Variants in ZNF562 observed in about 807,000 individuals in gnomAD.
The protein encoded by ZNF562 is zinc finger protein 562.
ZNF562 carries 13 observed loss-of-function variants against 17.5 expected under a neutral mutation model. The observed-to-expected ratio is 0.74, with a 90% CI of 0.48 to 1.18. ZNF562 has a LOEUF of 1.18. ZNF562 is among the 50% of genes most tolerant of loss of function. ZNF562 has a pLI of 0.00. For missense variants in ZNF562, 481 were observed against 498.5 expected, an observed-to-expected ratio of 0.96 and a Z score of 0.33; for synonymous variants, 163 against 165.4, an observed-to-expected ratio of 0.99 and a Z score of 0.11.
In ZNF562 at chr19:9,642,445, A is replaced by T. The variant is rs2074778521; in HGVS notation, c.*10504T>A. ...GCACCACCACATCCAGCTAATTTTT[A>T]AAAATATATTTTGTAGAGAAGAGAT... On this transcript the variant is annotated 3_prime_UTR_variant, in exon 6 of 6. Transcript: ENST00000453372. 1 of 151,948 alleles carries T rather than the reference A, an allele frequency of 6.6e-6. No individual in the cohort carries two copies. Among genetic ancestry groups the T allele is most frequent in the African/African-American group, 2.4e-5 (1 of 41,358 alleles). 9.4% of individuals were successfully genotyped at this position (151,948 alleles called of 1,614,324 possible).
chr19:9,669,734 G>GCACACACACA lies in ZNF562; in HGVS notation c.-131+5271_-131+5280dup, dbSNP rs71188835. ...CGCGCGCGAGCGCGCGCGCGCGCGC[G>GCACACACACA]CACACACACACACACACACACACAC... On this transcript the variant is annotated intron_variant, in intron 1 of 5. Transcript: ENST00000453372. Among the ~76,000 whole-genome samples, 681 of 109,274 alleles carry GCACACACACA rather than the reference G, an allele frequency of 6.2e-3. 6 individuals are homozygous for GCACACACACA. The highest frequency in any genetic ancestry group is 0.012 in the South Asian group (34 of 2,846). 71.7% of individuals were successfully genotyped at this position (109,274 alleles called of 152,430 possible).
At chr19:9,662,730 A>G (rs1419296844) in intron 1 of ZNF562, among the ~76,000 whole-genome samples, 1 of 151,780 alleles carries the variant, frequency 6.6e-6, no homozygotes. Context: ...AATACAAAAA[A>G]TTAGCCAGTT....
intron 1 of ZNF562, among the ~76,000 whole-genome samples, chr19:9,662,753 G>A (rs949906845): frequency 2.0e-4 from 31 of 151,504 alleles, no homozygotes; most frequent in African/African-American, 7.3e-4. Flanking sequence ...GGTGTTGGGC[G>A]GCTGTAGTCC....
At chr19:9,655,717 C>CT (rs58199071) in intron 5 of ZNF562, among the ~76,000 whole-genome samples, 1,301 of 48,576 alleles carry the variant, frequency 0.027, 70 homozygotes, top group Non-Finnish European at 0.035. Flanking sequence ...TCTTTTCTTT[C>CT]TTTTTTTTTT....
intron 1 of ZNF562, among the ~76,000 whole-genome samples, chr19:9,666,928 T>G (rs1408843264): frequency 1.3e-5 from 2 of 152,160 alleles, no homozygotes; most frequent in Non-Finnish European, 2.9e-5. Flanking sequence ...CACTGCTGAA[T>G]CCTACCAAAA....
rs141538631 is a variant in ZNF562 at position 9,663,639 on chromosome 19, G to C, written c.-130-2765C>G. Among the ~76,000 whole-genome samples, 24 of 151,958 alleles carry C rather than the reference G, an allele frequency of 1.6e-4. No homozygotes were observed. In the East Asian group the frequency reaches 1.9e-3, roughly 12 times the overall value. ...TTATCGCCCAGGCTAGACTGCAGTA[G>C]CACGATTGCCACCACTGTAGCTATT... On this transcript the variant is annotated intron_variant, in intron 1 of 5. Coordinates refer to ENST00000453372, the MANE Select transcript of ZNF562 (RefSeq NM_001130031.2).
intron 1 of ZNF562, among the ~76,000 whole-genome samples, chr19:9,662,154 G>A (rs1029769336): frequency 1.3e-5 from 2 of 152,150 alleles, no homozygotes; most frequent in Non-Finnish European, 2.9e-5. Context: ...CCCTGTATAT[G>A]CTGTTACCCC....
intron 1 of ZNF562, among the ~76,000 whole-genome samples, chr19:9,662,248 G>C (rs991764340): frequency 2.0e-5 from 3 of 152,122 alleles, no homozygotes; most frequent in Non-Finnish European, 4.4e-5. Context: ...ACTTCATTGT[G>C]TACCTAAGAT....
At chr19:9,659,929 TAAAAAAAAAAA>T (rs763657709) in intron 2 of ZNF562, among the ~76,000 whole-genome samples, 3 of 37,378 alleles carry the variant, frequency 8.0e-5, no homozygotes, top group African/African-American at 3.3e-4. Flanking sequence ...CCGTCTCTAC[TAAAAAAAAAAA>T]AAAAAAAAAA....
chr19:9,655,001 G>A (rs1378163789), intron 5 of ZNF562, among the ~76,000 whole-genome samples: 1 of 151,862 alleles, frequency 6.6e-6, no homozygotes, highest in East Asian at 1.9e-4. Flanking sequence ...TGATTGTTGG[G>A]GGTGGTTTGA....
intron 1 of ZNF562, among the ~76,000 whole-genome samples, chr19:9,671,522 T>C (rs1322092289): frequency 6.6e-6 from 1 of 152,196 alleles, no homozygotes; most frequent in African/African-American, 2.4e-5. Context: ...AAAACTACCA[T>C]CCATAGACCT....
chr19:9,674,916 GAA>G (rs2044352547), intron 1 of ZNF562, 97 bp downstream of exon 1: 1 of 152,378 alleles, frequency 6.6e-6, no homozygotes, highest in South Asian at 2.1e-4. Flanking sequence ...AAAAGCGAGT[GAA>G]ACTAGGCGGA....
In ZNF562 at chr19:9,660,808, G is replaced by T; in HGVS notation, c.-64C>A. ...TTTCTTGATGCCAAGATCGCCTCAG[G>T]GCAGCTTATGAATCTAGGTGGATAC... On this transcript the variant is annotated 5_prime_UTR_variant, in exon 2 of 6. Transcript: ENST00000453372. The T allele has an allele frequency of 6.3e-7, 1 of 1,579,072 alleles. No homozygotes were observed.
In ZNF562 at chr19:9,653,188, C is replaced by G; in HGVS notation, c.1042G>C (p.Glu348Gln). The change falls in exon 6 of 6, where the codon GAA becomes CAA. Residue 348 changes from glutamate (E) to glutamine (Q), a missense_variant. Physicochemically the swap from Glu to Gln is conservative, Grantham distance 29. Transcript: ENST00000453372. ...TACTGAGTGAAGGCTTGGCCACATT[C>G]CTTACATTCATAGGGTTTTATTCCA... The part of the protein sequence containing the change: ...HTGIKPYECK[E>Q]CGQAFTQYTG... 6.2e-7 allele frequency: 1 copy of G among 1,614,040 alleles called. No homozygotes were observed. Among genetic ancestry groups the G allele is most frequent in the Admixed American group, 1.7e-5 (1 of 60,006 alleles).
intron 1 of ZNF562, among the ~76,000 whole-genome samples, chr19:9,663,365 G>A (rs1320011956): frequency 1.3e-5 from 2 of 148,844 alleles, no homozygotes; most frequent in African/African-American, 5.0e-5. Context: ...AAGTGAGATT[G>A]CGCCACTGCA....
Position 9,650,374 on chromosome 19 carries a change from A to T in ZNF562, c.*2575T>A, listed in dbSNP as rs1486922524. On this transcript the variant is annotated 3_prime_UTR_variant, in exon 6 of 6. Transcript: ENST00000453372. ...CTTTAGGAGTTAGGTATACATACAT[A>T]TGTGTATATATATGTATATATATAT... is the stretch of plus-strand genomic sequence containing the variant. The T allele has an allele frequency of 6.7e-6, 1 of 149,240 alleles. No individual in the cohort carries two copies. The highest frequency in any genetic ancestry group is 1.5e-5 in the Non-Finnish European group (1 of 67,744). The allele number at this position is 149,240 out of a possible 1,614,324, so 9.2% of individuals were successfully genotyped here.
chr19:9,649,372 T>G lies in ZNF562; in HGVS notation c.*3577A>C, dbSNP rs1305180191. 1 of 152,180 alleles carries G rather than the reference T, an allele frequency of 6.6e-6. No individual in the cohort carries two copies. 9.4% of individuals were successfully genotyped at this position (152,180 alleles called of 1,614,324 possible). A position where few individuals can be genotyped will look rare whatever the true frequency, so the allele number is the denominator to read the frequency against. On this transcript the variant is annotated 3_prime_UTR_variant, in exon 6 of 6. Coordinates refer to ENST00000453372, the MANE Select transcript of ZNF562 (RefSeq NM_001130031.2). Reference sequence around the variant, plus strand: ...AAAAAGAACAGGATAACAGCAATGTTTAGGAAACAAGAGAGATAACCTTAA... The same window carrying G: ...AAAAAGAACAGGATAACAGCAATGTGTAGGAAACAAGAGAGATAACCTTAA...
intron 1 of ZNF562, among the ~76,000 whole-genome samples, chr19:9,671,774 G>T (rs2044208835): frequency 6.6e-6 from 1 of 152,192 alleles, no homozygotes; most frequent in Admixed American, 6.5e-5. Flanking sequence ...ACAGCCCTCT[G>T]GTATTGCAGA....
At chr19:9,670,308 G>A (rs1407194170) in intron 1 of ZNF562, among the ~76,000 whole-genome samples, 1 of 152,050 alleles carries the variant, frequency 6.6e-6, no homozygotes, top group Non-Finnish European at 1.5e-5. Context: ...ACTACCATAT[G>A]ATCTGGAATC....
Sources: allele counts gnomAD v4.1 joint callset (sites outside exome capture counted in the v4.1 genomes callset), GRCh38; gene constraint gnomAD v4.1.1; transcripts MANE v1.5; gene names NCBI Gene and HGNC (gene_info 2026-07-23, HGNC 2026-07-21).